The following GPHN variants were observed in gnomAD, a reference collection of about 807,000 sequenced individuals.
GPHN encodes gephyrin.
GPHN carries 17 observed loss-of-function variants against 95.5 expected under a neutral mutation model. The observed-to-expected ratio is 0.18, with a 90% CI of 0.12 to 0.27. The LOEUF (loss-of-function observed/expected upper bound fraction) is 0.27, where lower values mean the gene tolerates loss of function less well. Among genes scored for constraint, GPHN ranks in the 10% least tolerant of loss-of-function variants. The pLI, the probability that GPHN is intolerant of heterozygous loss-of-function variation, is 1.00. For synonymous variants in GPHN, 320 were observed against 322.5 expected, an observed-to-expected ratio of 0.99 and a Z score of 0.08; for missense variants, 660 against 978.1, an observed-to-expected ratio of 0.67 and a Z score of 4.34.
At chr14:67,321,006 G>A in the GPHN span, 1 of 1,479,912 alleles carries the variant, frequency 6.8e-7, no homozygotes, top group Non-Finnish European at 9.4e-7. Context: ...ATTATCCCCT[G>A]TCCTCACTCT....
the GPHN span, among the ~76,000 whole-genome samples, chr14:67,609,160 A>T: frequency 0.16 from 23,736 of 150,148 alleles, 2,007 homozygotes; most frequent in African/African-American, 0.23. Context: ...CTTTGCTGCA[A>T]CTCCCACTGT....
the GPHN span, chr14:67,270,678 T>C: frequency 5.3e-5 from 8 of 151,926 alleles, no homozygotes; most frequent in African/African-American, 1.7e-4. Flanking sequence ...ACTACATGTA[T>C]GGGCTAGAGT....
intron 3 of GPHN, among the ~76,000 whole-genome samples, chr14:66,800,685 A>T (rs2060316485): frequency 6.6e-6 from 1 of 152,110 alleles, no homozygotes; most frequent in Non-Finnish European, 1.5e-5. Flanking sequence ...CTTAGGGTTC[A>T]ATCTGCTTGA....
At chr14:67,389,154 TA>T in the GPHN span, among the ~76,000 whole-genome samples, 1 of 152,036 alleles carries the variant, frequency 6.6e-6, no homozygotes, top group Admixed American at 6.6e-5. Flanking sequence ...GCCCTTCAAT[TA>T]ATCAATAATC....
At chr14:66,757,176 C>T (rs1003617999) in intron 2 of GPHN, among the ~76,000 whole-genome samples, 29 of 152,146 alleles carry the variant, frequency 1.9e-4, no homozygotes, top group Admixed American at 1.3e-3. Flanking sequence ...AATTAAAACT[C>T]ATTGGTATAT....
chr14:66,709,380 T>G (rs2069395936), intron 2 of GPHN: 1 of 455,880 alleles, frequency 2.2e-6, no homozygotes, highest in South Asian at 1.5e-5. Flanking sequence ...AAACTGCCAG[T>G]GAATGGCTGA....
the GPHN span, chr14:67,562,973 G>C: frequency 1.4e-6 from 2 of 1,423,604 alleles, no homozygotes; most frequent in Non-Finnish European, 1.9e-6. Context: ...GCCATGCACT[G>C]AGCAGGAGAG....
the GPHN span, chr14:67,392,699 T>C: frequency 6.2e-7 from 1 of 1,614,120 alleles, no homozygotes; most frequent in Non-Finnish European, 8.5e-7. Context: ...CAGGAACTGC[T>C]CGGCCAGATC....
chr14:67,573,479 CA>C, the GPHN span: 1 of 872,396 alleles, frequency 1.1e-6, no homozygotes, highest in Non-Finnish European at 1.8e-6. This position sits in a 1 kb window ranked among gnomAD's most constrained non-coding sequence, Gnocchi z 4.8. Flanking sequence ...GAATGTGGCC[CA>C]AGGCCAGAGG....
the GPHN span, among the ~76,000 whole-genome samples, chr14:67,516,832 G>C: frequency 6.6e-6 from 1 of 152,202 alleles, no homozygotes; most frequent in Admixed American, 6.5e-5. Context: ...TTGGGGCAGA[G>C]GGAGTCATGT....
At chr14:67,716,982 C>T in the GPHN span, among the ~76,000 whole-genome samples, 1 of 151,550 alleles carries the variant, frequency 6.6e-6, no homozygotes, top group Non-Finnish European at 1.5e-5. Context: ...ATATATAAAA[C>T]AAATATAGTG....
At chr14:67,595,528 T>TGA in the GPHN span, among the ~76,000 whole-genome samples, 1 of 152,228 alleles carries the variant, frequency 6.6e-6, no homozygotes, top group Non-Finnish European at 1.5e-5. Context: ...GAGTGAACCA[T>TGA]GATTGGTTCC....
the GPHN span, among the ~76,000 whole-genome samples, chr14:67,640,631 GTCTTA>G: frequency 2.0e-5 from 3 of 152,136 alleles, no homozygotes; most frequent in Non-Finnish European, 4.4e-5. Context: ...GATACGCCAC[GTCTTA>G]TCTTGTTACT....
At chr14:67,155,241 A>C (rs2081513437) in intron 18 of GPHN, among the ~76,000 whole-genome samples, 1 of 152,248 alleles carries the variant, frequency 6.6e-6, no homozygotes, top group Non-Finnish European at 1.5e-5. Flanking sequence ...GAAATTCAGC[A>C]TCAAACTATC....
the GPHN span, among the ~76,000 whole-genome samples, chr14:67,432,254 C>T: frequency 2.0e-5 from 3 of 152,348 alleles, no homozygotes; most frequent in Admixed American, 2.0e-4. Context: ...GTTAAATGAT[C>T]TGCCCAGAGT....
intron 5 of GPHN, among the ~76,000 whole-genome samples, chr14:66,909,290 T>A (rs2065549725): frequency 6.6e-6 from 1 of 152,058 alleles, no homozygotes; most frequent in Admixed American, 6.6e-5. Flanking sequence ...TGTTCCTGAG[T>A]GTAGTAAAAC....
At chr14:67,248,830 A>T in the GPHN span, among the ~76,000 whole-genome samples, 2 of 150,806 alleles carry the variant, frequency 1.3e-5, no homozygotes, top group Non-Finnish European at 2.9e-5. Context: ...TTTTTATTTT[A>T]TTTTTTTGAG....
At chr14:66,823,766 G>A (rs2061292845) in intron 3 of GPHN, among the ~76,000 whole-genome samples, 1 of 152,056 alleles carries the variant, frequency 6.6e-6, no homozygotes, top group Non-Finnish European at 1.5e-5. Context: ...CTCGGTATCA[G>A]CCTGCTATTT....
chr14:67,171,553 C>G (rs968242622), intron 21 of GPHN, among the ~76,000 whole-genome samples: 1 of 152,014 alleles, frequency 6.6e-6, no homozygotes, highest in Non-Finnish European at 1.5e-5. Flanking sequence ...TGGAGTAACT[C>G]CCATTAGTAT....
Sources: allele counts gnomAD v4.1 joint callset (sites outside exome capture counted in the v4.1 genomes callset), GRCh38; gene constraint gnomAD v4.1.1; non-coding constraint Gnocchi (gnomAD v3.1); transcripts MANE v1.5; gene names NCBI Gene and HGNC (gene_info 2026-07-23, HGNC 2026-07-21).